Variants in CAPN9 observed in about 807,000 individuals in gnomAD.
CAPN9 encodes calpain-9.
CAPN9 carries 81 observed loss-of-function variants against 92.8 expected under a neutral mutation model. That is an observed-to-expected ratio of 0.87 (90% CI 0.73 to 1.05). The LOEUF (loss-of-function observed/expected upper bound fraction) is 1.05, where lower values mean the gene tolerates loss of function less well. Among genes scored for constraint, CAPN9 ranks in the 50% least tolerant of loss-of-function variants. CAPN9 has a pLI of 0.00. For synonymous variants in CAPN9, 304 were observed against 328.0 expected (o/e 0.93, Z 0.79); for missense variants, 848 against 866.2 (o/e 0.98, Z 0.26).
At position 230,766,714 on chromosome 1, in the gene CAPN9, T is replaced by C. The variant is rs28741087; in HGVS notation, c.537-827T>C. Among the ~76,000 whole-genome samples, 1,507 of 152,292 alleles carry C rather than the reference T, an allele frequency of 9.9e-3. 29 individuals carry two copies. The highest frequency in any genetic ancestry group is 0.034 in the African/African-American group (1,426 of 41,574). ...TCACACTGCTGATAAAAACATACCC[T>C]AGACTGGGCAATTTACAAAAGAAAG... is the stretch of plus-strand genomic sequence containing the variant. On this transcript the variant is annotated intron_variant, in intron 4 of 19. Coordinates refer to ENST00000271971, the MANE Select transcript of CAPN9 (RefSeq NM_006615.3).
rs191588472 is a variant in CAPN9, at chr1:230,779,108, G to A, written c.1089G>A (p.Thr363=). ...VHQGSWVRGS[T]AGGCRNFLDT... ...AGGGAAGCTGGGTTCGCGGCTCCAC[G>A]GCTGGGGGCTGCCGCAATTTCCTGG... The change falls in exon 9 of 20, where the codon ACG becomes ACA. Residue 363 remains threonine (T), a synonymous_variant. Coordinates refer to ENST00000271971, the MANE Select transcript of CAPN9 (RefSeq NM_006615.3). 77 of 1,612,538 alleles carry A rather than the reference G, an allele frequency of 4.8e-5. 1 individual carries two copies. In the African/African-American group the frequency reaches 7.2e-4, roughly 15 times the overall value.
At chr1:230,787,306 C>T (rs563536796) in intron 12 of CAPN9, among the ~76,000 whole-genome samples, 1 of 152,294 alleles carries the variant, frequency 6.6e-6, no homozygotes, top group Admixed American at 6.5e-5. Context: ...GGCAGAAGGG[C>T]TCCACAGGTC....
chr1:230,801,771 G>A lies in CAPN9; in HGVS notation c.*175G>A. The A allele has an allele frequency of 1.5e-6, 1 of 666,704 alleles. No homozygotes were observed. The highest frequency in any genetic ancestry group is 2.7e-6 in the Non-Finnish European group (1 of 369,546). The allele number at this position is 666,704 out of a possible 1,614,324, so 41.3% of individuals were successfully genotyped here. A position where few individuals can be genotyped will look rare whatever the true frequency, so the allele number is the denominator to read the frequency against. ...TGAAATGAACTCAGCTACACTCTCT[G>A]ATTTTGTGCTACTCCTTTGTAAAGT... On this transcript the variant is annotated 3_prime_UTR_variant, in exon 20 of 20. Transcript: ENST00000271971.
rs1228784698 is a variant in CAPN9 at position 230,795,286 on chromosome 1, G to A, written c.1987+7G>A. 1.9e-6 allele frequency: 3 copies of A among 1,582,890 alleles called. No homozygotes were observed. The highest frequency in any genetic ancestry group is 3.3e-5 in the Admixed American group (2 of 59,934). ...CGGCTGGAGAATGCGAGCCGTAAGT[G>A]TCCAGCGAGGCTGAGGGTGCACCTC... On this transcript the variant is annotated splice_region_variant and intron_variant, in intron 18 of 19. Transcript: ENST00000271971.
intron 4 of CAPN9, 148 bp downstream of exon 4, chr1:230,762,934 C>T (rs527271045): frequency 1.7e-5 from 14 of 813,018 alleles, no homozygotes; most frequent in South Asian, 6.5e-5. Flanking sequence ...AGGGCTCAAG[C>T]GGGGTTGGAG....
At chr1:230,783,870 A>G (rs1285952809) in intron 11 of CAPN9, among the ~76,000 whole-genome samples, 2 of 152,248 alleles carry the variant, frequency 1.3e-5, no homozygotes, top group Non-Finnish European at 2.9e-5. Context: ...GAGGCTGGTT[A>G]AATAGTTATG....
intron 1 of CAPN9, among the ~76,000 whole-genome samples, chr1:230,752,190 C>A (rs1266591453): frequency 2.6e-5 from 4 of 152,148 alleles, no homozygotes; most frequent in Non-Finnish European, 5.9e-5. Context: ...GTCACAGGCA[C>A]CTTGCACATG....
chr1:230,782,236 G>C (rs1445731959), intron 11 of CAPN9, among the ~76,000 whole-genome samples: 3 of 152,312 alleles, frequency 2.0e-5, no homozygotes, highest in East Asian at 3.9e-4. Context: ...ATGATATTGA[G>C]TATAAGAATC....
intron 12 of CAPN9, chr1:230,786,327 T>A (rs1445350459): frequency 1.4e-5 from 3 of 216,678 alleles, no homozygotes; most frequent in African/African-American, 7.0e-5. Context: ...GAAAAGCTAT[T>A]TATTTAGGGA....
intron 4 of CAPN9, among the ~76,000 whole-genome samples, chr1:230,765,942 C>A (rs200694024): frequency 6.6e-6 from 1 of 152,092 alleles, no homozygotes; most frequent in East Asian, 1.9e-4. Flanking sequence ...GTGGAGACAC[C>A]TGACTAACAC....
chr1:230,762,055 A>ACACATGTGTGCGCACATGCATT (rs1267726217), intron 3 of CAPN9, among the ~76,000 whole-genome samples: 3 of 152,242 alleles, frequency 2.0e-5, no homozygotes, highest in Non-Finnish European at 4.4e-5. Flanking sequence ...GCACATGTAT[A>ACACATGTGTGCGCACATGCATT]CACATGTGTG....
chr1:230,775,157 G>C (rs1666676268), intron 8 of CAPN9, among the ~76,000 whole-genome samples: 1 of 152,132 alleles, frequency 6.6e-6, no homozygotes, highest in Non-Finnish European at 1.5e-5. Context: ...CCAGCTCTCG[G>C]TTTGTTGAAG....
At chr1:230,780,416 G>A (rs1438731121) in intron 10 of CAPN9, 80 bp downstream of exon 10, 1 of 1,598,806 alleles carries the variant, frequency 6.3e-7, no homozygotes, top group Non-Finnish European at 8.6e-7. Context: ...TCACACCCGA[G>A]ACTCAACCAA....
chr1:230,780,973 C>A (rs1667178461), intron 11 of CAPN9, among the ~76,000 whole-genome samples: 1 of 152,046 alleles, frequency 6.6e-6, no homozygotes, highest in Non-Finnish European at 1.5e-5. Context: ...TCAAGCAATT[C>A]TCCTGGCTCA....
At chr1:230,795,431 T>A in intron 18 of CAPN9, 152 bp downstream of exon 18, 1 of 585,196 alleles carries the variant, frequency 1.7e-6, no homozygotes. Flanking sequence ...GCCTGTGCGG[T>A]TAGCTAAGGA....
At chr1:230,794,946 G>A (rs771386271) in intron 17 of CAPN9, among the ~76,000 whole-genome samples, 7 of 152,140 alleles carry the variant, frequency 4.6e-5, no homozygotes, top group Admixed American at 4.6e-4. Flanking sequence ...AGAGTCCCCC[G>A]CACACTCGCC....
In CAPN9 at chr1:230,774,541, T is replaced by C. The variant is rs769805586; in HGVS notation, c.876-13T>C. The C allele has an allele frequency of 9.4e-6, 15 of 1,600,150 alleles. No individual in the cohort carries two copies. The highest frequency in any genetic ancestry group is 1.2e-5 in the Non-Finnish European group (14 of 1,167,462). On this transcript the variant is annotated splice_polypyrimidine_tract_variant and intron_variant, in intron 7 of 19. Coordinates refer to ENST00000271971, the MANE Select transcript of CAPN9 (RefSeq NM_006615.3). ...ATGACCTCTGCCTGAACACCAATTT[T>C]GTTTACTCCTAGTTCTCCGGAGTGG...
rs1666420580 is a variant in CAPN9, at chr1:230,772,093, G to A, written c.869G>A (p.Ser290Asn). The stretch of plus-strand genomic sequence containing the variant: ...CAGGTTGAGTGGAACGGGTCGTGGA[G>A]CGACAGGTCAGTCACCCTATCCTGC... The part of the protein sequence containing the change: ...WGQVEWNGSW[S>N]DSSPEWRSVG... Residue 290 changes from serine (S) to asparagine (N), a missense_variant, in exon 7 of 20, where the codon AGC becomes AAC. Physicochemically the swap from Ser to Asn is conservative, Grantham distance 46. Transcript: ENST00000271971. The A allele has an allele frequency of 1.9e-6, 3 of 1,614,138 alleles. No individual in the cohort carries two copies. Among genetic ancestry groups the A allele is most frequent in the Middle Eastern group, 1.6e-4 (1 of 6,062 alleles).
intron 11 of CAPN9, among the ~76,000 whole-genome samples, chr1:230,782,020 A>G (rs1667260029): frequency 6.6e-6 from 1 of 152,188 alleles, no homozygotes; most frequent in Admixed American, 6.5e-5. Flanking sequence ...TGTTCACACA[A>G]AAGTACCCTG....
Sources: gnomAD v4.1 joint callset for allele counts (sites outside exome capture counted in the v4.1 genomes callset) on GRCh38, gnomAD v4.1.1 for gene constraint, MANE v1.5 for transcripts, NCBI Gene and HGNC (gene_info 2026-07-23, HGNC 2026-07-21) for gene names.